The following ADAMTS16 variants were observed in gnomAD, a reference collection of about 807,000 sequenced individuals.
ADAMTS16 encodes A disintegrin and metalloproteinase with thrombospondin motifs 16.
ADAMTS16 carries 94 observed loss-of-function variants against 145.8 expected under a neutral mutation model. The observed-to-expected ratio is 0.64, with a 90% confidence interval of 0.55 to 0.77. The LOEUF is 0.77. Among genes scored for constraint, ADAMTS16 ranks in the 30% least tolerant of loss-of-function variants. ADAMTS16 has a pLI of 0.00. For missense variants in ADAMTS16, 1,585 were observed against 1,591.5 expected (o/e 1.00, Z 0.07); for synonymous variants, 659 against 604.3 (o/e 1.09, Z -1.33).
chr5:5,172,920 A>G (rs908106080), intron 3 of ADAMTS16, among the ~76,000 whole-genome samples: 1 of 152,160 alleles, frequency 6.6e-6, no homozygotes, highest in Admixed American at 6.5e-5. Flanking sequence ...GAGTGCATAT[A>G]TATTTACAAT....
In ADAMTS16 at chr5:5,243,053, G is replaced by T. The variant is rs78361235; in HGVS notation, c.2662+862G>T. Among the ~76,000 whole-genome samples, 711 of 152,256 alleles carry T rather than the reference G, an allele frequency of 4.7e-3. 6 individuals carry two copies. The highest frequency in any genetic ancestry group is 0.016 in the African/African-American group (660 of 41,538). ...ATGAGAACTGGCATAAAGTTAAGAA[G>T]GTAGTGAATGAACAAAAATAAATAA... On this transcript the variant is annotated intron_variant, in intron 17 of 22. Coordinates refer to ENST00000274181, the MANE Select transcript of ADAMTS16 (RefSeq NM_139056.4).
At chr5:5,221,925 G>A (rs1356828655) in intron 10 of ADAMTS16, among the ~76,000 whole-genome samples, 1 of 152,118 alleles carries the variant, frequency 6.6e-6, no homozygotes, top group Non-Finnish European at 1.5e-5. Context: ...ATTTCTTGGG[G>A]GAATAATGCA....
chr5:5,212,033 A>C (rs1736282734), intron 10 of ADAMTS16, among the ~76,000 whole-genome samples: 1 of 152,160 alleles, frequency 6.6e-6, no homozygotes, highest in African/African-American at 2.4e-5. Flanking sequence ...TAGAATATTC[A>C]AGAAATAACT....
chr5:5,275,953 G>A (rs1483216101), intron 18 of ADAMTS16, among the ~76,000 whole-genome samples: 2 of 151,910 alleles, frequency 1.3e-5, no homozygotes, highest in Admixed American at 6.6e-5. Flanking sequence ...ACATCACCCA[G>A]GTTCAAGCAA....
In ADAMTS16 at chr5:5,190,052, G is replaced by A. The variant is rs763625032; in HGVS notation, c.1129G>A (p.Gly377Arg). 2 of 1,613,268 alleles carry A rather than the reference G, an allele frequency of 1.2e-6. No homozygotes were observed. The highest frequency in any genetic ancestry group is 1.3e-5 in the African/African-American group (1 of 74,896). ...GCAGTCTGGATTGATGGGGAAAGAT[G>A]GGACTCGTCATGACCACGCCATCTT... ...QWQSGLMGKD[G>R]TRHDHAILLT... The change falls in exon 7 of 23, where the codon GGG becomes AGG. Residue 377 changes from glycine (G) to arginine (R), a missense_variant. By Grantham distance (125) the Gly-to-Arg change is moderately radical. Transcript: ENST00000274181.
intron 3 of ADAMTS16, among the ~76,000 whole-genome samples, chr5:5,163,111 G>A (rs961584351): frequency 1.3e-5 from 2 of 152,202 alleles, no homozygotes; most frequent in Non-Finnish European, 2.9e-5. Flanking sequence ...GCAAATTGCT[G>A]AGAGAATAGG....
At chr5:5,205,716 T>A (rs1736086774) in intron 9 of ADAMTS16, among the ~76,000 whole-genome samples, 1 of 152,266 alleles carries the variant, frequency 6.6e-6, no homozygotes, top group Non-Finnish European at 1.5e-5. Flanking sequence ...TTTTATATGC[T>A]TATTTGCCAT....
intron 18 of ADAMTS16, among the ~76,000 whole-genome samples, chr5:5,286,885 A>G (rs4701697): frequency 0.72 from 37,601 of 52,086 alleles, 14,637 homozygotes; most frequent in Admixed American, 0.82. Context: ...AAAAAAAAAG[A>G]GTTTTTATAA....
At chr5:5,313,584 G>A (rs534258147) in intron 21 of ADAMTS16, among the ~76,000 whole-genome samples, 1 of 152,198 alleles carries the variant, frequency 6.6e-6, no homozygotes, top group South Asian at 2.1e-4. Flanking sequence ...GGGGGGTGGG[G>A]GCTGGCTCAT....
chr5:5,243,439 A>G (rs1737354957), intron 17 of ADAMTS16, among the ~76,000 whole-genome samples: 1 of 152,242 alleles, frequency 6.6e-6, no homozygotes, highest in Non-Finnish European at 1.5e-5. Flanking sequence ...ACAGAAGGAC[A>G]TTGTATGCTC....
intron 10 of ADAMTS16, among the ~76,000 whole-genome samples, chr5:5,221,700 T>C (rs908359090): frequency 3.9e-5 from 6 of 152,236 alleles, no homozygotes; most frequent in Admixed American, 1.3e-4. Context: ...CTTCTAAGTA[T>C]ATAATGAAAT....
chr5:5,164,082 A>G (rs1324060099), intron 3 of ADAMTS16, among the ~76,000 whole-genome samples: 4 of 152,118 alleles, frequency 2.6e-5, no homozygotes, highest in African/African-American at 4.8e-5. Context: ...CACAGACAAG[A>G]GTTCTGAGTA....
chr5:5,292,645 G>A (rs1201446955), intron 18 of ADAMTS16, among the ~76,000 whole-genome samples: 1 of 152,028 alleles, frequency 6.6e-6, no homozygotes, highest in East Asian at 1.9e-4. Flanking sequence ...GCCGTCGTGT[G>A]GCCTCCGTGA....
intron 18 of ADAMTS16, among the ~76,000 whole-genome samples, chr5:5,295,210 T>C (rs905142425): frequency 6.6e-6 from 1 of 152,206 alleles, no homozygotes; most frequent in Non-Finnish European, 1.5e-5. Flanking sequence ...AGGATGAAAC[T>C]TGTCCCATTT....
rs374621533 is a variant in ADAMTS16 at position 5,259,881 on chromosome 5, C to A, written c.2663-2776C>A. ...TTATTTTCTTTTAGCATTACTCTCA[C>A]CCCGCTGTGTCATCCCCTTTCAAAG... On this transcript the variant is annotated intron_variant, in intron 17 of 22. Transcript: ENST00000274181. Among the ~76,000 whole-genome samples the A allele has an allele frequency of 2.0e-5, 3 of 151,820 alleles. No homozygotes were observed. The East Asian group carries it at 5.8e-4, about 29-fold the overall frequency.
chr5:5,240,385 G>A lies in ADAMTS16; in HGVS notation c.2523+460G>A, dbSNP rs187938352. Among the ~76,000 whole-genome samples the A allele has an allele frequency of 2.5e-3, 388 of 152,358 alleles. 2 individuals carry two copies. The highest frequency in any genetic ancestry group is 4.0e-3 in the Non-Finnish European group (273 of 68,040). On this transcript the variant is annotated intron_variant, in intron 16 of 22. Transcript: ENST00000274181. The stretch of plus-strand genomic sequence containing the variant: ...GACCTTGGCGGGCCACAGCTCCGCA[G>A]TCACATCAACCCAGTGTCCAGTGCG...
At chr5:5,252,095 C>T (rs1487451836) in intron 17 of ADAMTS16, among the ~76,000 whole-genome samples, 5 of 152,286 alleles carry the variant, frequency 3.3e-5, no homozygotes, top group South Asian at 4.1e-4. Flanking sequence ...GTGATCCGCC[C>T]GCCTCGGCCT....
chr5:5,262,434 G>T (rs1428021), intron 17 of ADAMTS16, among the ~76,000 whole-genome samples: 39,851 of 152,116 alleles, frequency 0.26, 5,312 homozygotes, highest in East Asian at 0.37. Flanking sequence ...TAAAAATATG[G>T]AGGGAAAATA....
chr5:5,309,051 A>G (rs1181423665), intron 21 of ADAMTS16, among the ~76,000 whole-genome samples: 1 of 152,104 alleles, frequency 6.6e-6, no homozygotes. Context: ...TGTATATTCT[A>G]TATATTTACC....
Sources: gnomAD v4.1 joint callset for allele counts (sites outside exome capture counted in the v4.1 genomes callset) on GRCh38, gnomAD v4.1.1 for gene constraint, MANE v1.5 for transcripts, NCBI Gene and HGNC (gene_info 2026-07-23, HGNC 2026-07-21) for gene names.